The following RBM4 variants were observed in gnomAD, a reference collection of about 807,000 sequenced individuals.
RBM4 encodes the protein RNA-binding protein 4.
RBM4 carries 7 observed loss-of-function variants against 29.5 expected under a neutral mutation model. The observed-to-expected ratio is 0.24, with a 90% confidence interval of 0.14 to 0.45. The LOEUF is 0.45. RBM4 is among the 20% of genes least tolerant of loss of function. RBM4 has a pLI of 1.00. For synonymous variants in RBM4, 220 were observed against 205.4 expected (o/e 1.07, Z -0.61); for missense variants, 387 against 502.3 (o/e 0.77, Z 2.19).
At chr11:66,660,649 CT>C (rs746698768) in intron 2 of RBM4, among the ~76,000 whole-genome samples, 1,737 of 132,468 alleles carry the variant, frequency 0.013, 4 homozygotes, top group Non-Finnish European at 0.018. Context: ...CCGACCTAAA[CT>C]TTTTTTTTTT....
chr11:66,666,131 G>GAA, exon 3 of RBM4: 1 of 763,910 alleles, frequency 1.3e-6, no homozygotes, highest in Non-Finnish European at 2.0e-6. Flanking sequence ...CAGAGTGAGA[G>GAA]CCACAGTTCC....
downstream of RBM4, among the ~76,000 whole-genome samples, chr11:66,648,600 A>T (rs1446533275): frequency 1.3e-5 from 2 of 152,084 alleles, no homozygotes; most frequent in African/African-American, 4.8e-5. Context: ...GGAGCATCTG[A>T]GATCAGGAGT....
chr11:66,639,015 C>T (rs1263073469), intron 1 of RBM4: 1 of 152,180 alleles, frequency 6.6e-6, no homozygotes, highest in Non-Finnish European at 1.5e-5. Flanking sequence ...GGGATAACCC[C>T]CTTTCCCTTA....
intron 2 of RBM4, among the ~76,000 whole-genome samples, chr11:66,652,115 AT>A (rs1565085328): frequency 6.6e-6 from 1 of 150,716 alleles, no homozygotes; most frequent in African/African-American, 2.4e-5. Context: ...AAATGAAAAA[AT>A]TTTTTTTTTT....
intron 2 of RBM4, among the ~76,000 whole-genome samples, chr11:66,652,531 T>G (rs1938854532): frequency 6.6e-6 from 1 of 152,210 alleles, no homozygotes; most frequent in African/African-American, 2.4e-5. Flanking sequence ...GCCTTAATAT[T>G]TGCTTTGTTA....
chr11:66,656,132 G>A (rs759553078), intron 2 of RBM4, among the ~76,000 whole-genome samples: 2 of 151,700 alleles, frequency 1.3e-5, no homozygotes, highest in African/African-American at 4.8e-5. Flanking sequence ...CACCATGCCC[G>A]GCTAATTTTG....
At chr11:66,649,264 C>T (rs1272456143), downstream of RBM4, among the ~76,000 whole-genome samples, 1 of 152,182 alleles carries the variant, frequency 6.6e-6, no homozygotes, top group Non-Finnish European at 1.5e-5. Context: ...TCCTAAATTG[C>T]TGGAATTACA....
chr11:66,640,415 C>CTTTTTTA (rs921037869), intron 2 of RBM4: 1 of 524,454 alleles, frequency 1.9e-6, no homozygotes, highest in African/African-American at 1.9e-5. Flanking sequence ...GTTACTGGGC[C>CTTTTTTA]TTTTTTATTT....
exon 3 of RBM4, chr11:66,667,135 T>A (rs1380276238): frequency 6.6e-6 from 1 of 152,200 alleles, no homozygotes; most frequent in Non-Finnish European, 1.5e-5. Flanking sequence ...GTAACTCACT[T>A]TAACCTTGCT....
chr11:66,644,818 ACACT>A (rs1938621881), intron 3 of RBM4: 13 of 484,288 alleles, frequency 2.7e-5, no homozygotes, highest in Non-Finnish European at 3.5e-5. Flanking sequence ...ATAGATGCTA[ACACT>A]CACCTTCTCT....
downstream of RBM4, chr11:66,649,979 A>G (rs1938790162): frequency 5.7e-6 from 3 of 524,122 alleles, no homozygotes; most frequent in South Asian, 8.3e-5. Context: ...CTGGCTTTGT[A>G]TTTCGCTAGG....
chr11:66,639,486 C>G (rs1272434862), intron 1 of RBM4: 2 of 629,820 alleles, frequency 3.2e-6, no homozygotes, highest in Non-Finnish European at 5.4e-6. Flanking sequence ...AAGGACCTCC[C>G]TATTGCAGAC....
chr11:66,639,620 A>G (rs1938353839), intron 1 of RBM4, 80 bp from the exon 2 acceptor site: 6 of 1,511,624 alleles, frequency 4.0e-6, no homozygotes, highest in African/African-American at 1.4e-5. Flanking sequence ...GGAAATATAC[A>G]TTAGAGTGAA....
At chr11:66,649,534 G>A (rs371510196), downstream of RBM4, among the ~76,000 whole-genome samples, 5 of 152,086 alleles carry the variant, frequency 3.3e-5, no homozygotes, top group Admixed American at 6.6e-5. Flanking sequence ...AGAGCAAGAC[G>A]AATTATTTTT....
At chr11:66,662,893 T>C (rs1939111357) in intron 2 of RBM4, among the ~76,000 whole-genome samples, 1 of 152,194 alleles carries the variant, frequency 6.6e-6, no homozygotes, top group African/African-American at 2.4e-5. Context: ...CCTTGGGGAA[T>C]ACTGACGCTA....
At chr11:66,651,123 G>A (rs527591016), downstream of RBM4, among the ~76,000 whole-genome samples, 3 of 148,760 alleles carry the variant, frequency 2.0e-5, no homozygotes, top group South Asian at 2.1e-4. Context: ...AAGTAGACTC[G>A]GGGGGGGATG....
At chr11:66,639,403 A>G in intron 1 of RBM4, 3 of 391,538 alleles carry the variant, frequency 7.7e-6, no homozygotes, top group South Asian at 8.9e-5. Flanking sequence ...TAGTACCCCC[A>G]TTTCTTCATA....
chr11:66,663,013 T>C (rs1337646525), intron 2 of RBM4, among the ~76,000 whole-genome samples: 4 of 152,210 alleles, frequency 2.6e-5, no homozygotes, highest in Admixed American at 2.6e-4. Flanking sequence ...AAATTTTTGC[T>C]TCACCTGTCA....
intron 2 of RBM4, among the ~76,000 whole-genome samples, chr11:66,660,612 A>AT (rs1939057767): frequency 6.8e-6 from 1 of 147,556 alleles, no homozygotes; most frequent in Non-Finnish European, 1.5e-5. Context: ...AAGTGCTGGG[A>AT]TTACAGGTGT....
Sources: gnomAD v4.1 joint callset for allele counts (sites outside exome capture counted in the v4.1 genomes callset) on GRCh38, gnomAD v4.1.1 for gene constraint, MANE v1.5 for transcripts, NCBI Gene and HGNC (gene_info 2026-07-23, HGNC 2026-07-21) for gene names.